MED12L: variants seen among roughly 807,000 people sequenced by gnomAD.
MED12L encodes mediator of RNA polymerase II transcription subunit 12-like protein.
A neutral mutation model predicts 281.3 loss-of-function variants in MED12L; 60 were observed. That is an observed-to-expected ratio of 0.21 (90% CI 0.17 to 0.26). The LOEUF (loss-of-function observed/expected upper bound fraction) is 0.26. Ranked by LOEUF, MED12L falls within the 10% of genes least tolerant of loss-of-function variation. The pLI, the probability that MED12L is intolerant of heterozygous loss-of-function variation, is 1.00. For synonymous variants in MED12L, 974 were observed against 987.2 expected, an observed-to-expected ratio of 0.99 and a Z score of 0.25; for missense variants, 2,146 against 2,680.9, an observed-to-expected ratio of 0.80 and a Z score of 4.41.
chr3:151,179,348 G>A (rs185747083), intron 11 of MED12L, among the ~76,000 whole-genome samples: 302 of 152,144 alleles, frequency 2.0e-3, no homozygotes, highest in Non-Finnish European at 3.3e-3. Context: ...AAAAAAGGGC[G>A]GGGGGTTAAT....
intron 5 of MED12L, among the ~76,000 whole-genome samples, chr3:151,133,336 G>C (rs1356816645): frequency 6.6e-6 from 1 of 152,194 alleles, no homozygotes; most frequent in Non-Finnish European, 1.5e-5. Flanking sequence ...GTTATGCAGA[G>C]AGTTACAGAT....
At chr3:151,304,776 G>A (rs1277655057) in intron 16 of MED12L, among the ~76,000 whole-genome samples, 1 of 152,134 alleles carries the variant, frequency 6.6e-6, no homozygotes, top group East Asian at 1.9e-4. Flanking sequence ...TCCATTATAG[G>A]TTGACTGCGA....
rs145543444 is a variant in MED12L, at chr3:151,336,454, A to G, written c.2251-13605A>G. 8.6e-4 allele frequency: 390 copies of G among 452,062 alleles called. 4 individuals are homozygous for G. The East Asian group carries it at 0.02, about 24-fold the overall frequency. 28.0% of individuals were successfully genotyped at this position (452,062 alleles called of 1,614,324 possible). A position where few individuals can be genotyped will look rare whatever the true frequency, so the allele number is the denominator to read the frequency against. On this transcript the variant is annotated intron_variant, in intron 16 of 44. Coordinates refer to ENST00000687756, the MANE Select transcript of MED12L (RefSeq NM_001393769.1). ...ATAAAAGTGATTATTATTAAAGTTC[A>G]GTGAACTTTATACAACAATACACCC...
chr3:151,143,010 T>G (rs1026593332), intron 5 of MED12L, among the ~76,000 whole-genome samples: 2 of 152,182 alleles, frequency 1.3e-5, no homozygotes, highest in Non-Finnish European at 2.9e-5. Flanking sequence ...ATAGTTGGAA[T>G]GTCTTTGTGA....
rs112751547 is a variant in MED12L, at chr3:151,337,494, A to C, written c.2251-12565A>C. The C allele has an allele frequency of 7.9e-3, 1,977 of 248,804 alleles. 19 individuals carry two copies. Among genetic ancestry groups the C allele is most frequent in the South Asian group, 0.023 (388 of 16,820 alleles). The allele number at this position is 248,804 out of a possible 1,614,324, so 15.4% of individuals were successfully genotyped here. A position where few individuals can be genotyped will look rare whatever the true frequency, so the allele number is the denominator to read the frequency against. ...AAATTGTGAACGATAATGTATTTTA[A>C]AAATTACAGTAAATATTATATGATT... On this transcript the variant is annotated intron_variant, in intron 16 of 44. Coordinates refer to ENST00000687756, the MANE Select transcript of MED12L (RefSeq NM_001393769.1).
intron 16 of MED12L, among the ~76,000 whole-genome samples, chr3:151,238,605 G>A (rs1733412006): frequency 6.6e-6 from 1 of 152,188 alleles, no homozygotes; most frequent in African/African-American, 2.4e-5. Context: ...GCCATGATGT[G>A]TAAAATGTTC....
chr3:151,311,976 A>AGGTTGCAGT (rs1378311625), intron 16 of MED12L, among the ~76,000 whole-genome samples: 3 of 152,224 alleles, frequency 2.0e-5, no homozygotes, highest in Non-Finnish European at 4.4e-5. Flanking sequence ...GAGGTTGCAG[A>AGGTTGCAGT]GGTTGCAGTG....
In MED12L at chr3:151,124,892, C is replaced by T. The variant is rs575726935; in HGVS notation, c.396+1918C>T. 6.0e-4 allele frequency among the ~76,000 whole-genome samples: 91 copies of T among 152,316 alleles called. 1 individual carries two copies. Among genetic ancestry groups the T allele is most frequent in the African/African-American group, 2.1e-3 (87 of 41,574 alleles). ...ACTCTCACCTGTTCCCTTCAGGTGA[C>T]TTTGATTACTGTGGTCTGTGAAATT... On this transcript the variant is annotated intron_variant, in intron 4 of 44. Transcript: ENST00000687756.
At chr3:151,382,247 T>C (rs1194549755) in intron 32 of MED12L, among the ~76,000 whole-genome samples, 3 of 152,184 alleles carry the variant, frequency 2.0e-5, no homozygotes, top group African/African-American at 7.2e-5. Flanking sequence ...AACATCAAAA[T>C]AATACATTTG....
chr3:151,366,051 A>G (rs917312946), intron 23 of MED12L, 60 bp downstream of exon 23: 2 of 1,342,920 alleles, frequency 1.5e-6, no homozygotes, highest in Admixed American at 2.7e-5. Context: ...GTTAGTGGGT[A>G]ATCTTTTTGC....
intron 16 of MED12L, among the ~76,000 whole-genome samples, chr3:151,226,406 A>G (rs1730500493): frequency 6.6e-6 from 1 of 152,200 alleles, no homozygotes; most frequent in Non-Finnish European, 1.5e-5. Context: ...ACAAATGAGG[A>G]CAGTGATGCT....
intron 16 of MED12L, among the ~76,000 whole-genome samples, chr3:151,290,237 TG>T (rs1026829618): frequency 6.6e-6 from 1 of 152,216 alleles, no homozygotes; most frequent in African/African-American, 2.4e-5. Context: ...TTATTAAAAA[TG>T]TTTGCCTAAA....
At chr3:151,417,487 C>CCCTCCT (rs1717736742) in intron 43 of MED12L, among the ~76,000 whole-genome samples, 1 of 78,818 alleles carries the variant, frequency 1.3e-5, no homozygotes, top group Admixed American at 1.7e-4. Flanking sequence ...CCCCCCCCGC[C>CCCTCCT]TTTTTTTTTT....
intron 13 of MED12L, among the ~76,000 whole-genome samples, chr3:151,189,887 TC>T (rs1293269463): frequency 6.6e-6 from 1 of 152,224 alleles, no homozygotes; most frequent in Non-Finnish European, 1.5e-5. Flanking sequence ...TCTGCAGAGC[TC>T]CATCTTTGTG....
At chr3:151,338,724 A>T (rs1258199474) in intron 16 of MED12L, 1 of 1,613,646 alleles carries the variant, frequency 6.2e-7, no homozygotes, top group South Asian at 1.1e-5. Context: ...GCCATTTGTG[A>T]TAAGTCCAAC....
At chr3:151,240,054 T>C (rs1039458932) in intron 16 of MED12L, among the ~76,000 whole-genome samples, 1 of 150,834 alleles carries the variant, frequency 6.6e-6, no homozygotes, top group African/African-American at 2.4e-5. Flanking sequence ...TTTTTTTGTG[T>C]GTGTGTGTAT....
At chr3:151,092,971 A>T (rs536545708) in intron 2 of MED12L, among the ~76,000 whole-genome samples, 1 of 152,300 alleles carries the variant, frequency 6.6e-6, no homozygotes, top group South Asian at 2.1e-4. Flanking sequence ...ATGGCCAGGG[A>T]GGAGGAACTC....
chr3:151,201,108 T>G (rs143293354), intron 16 of MED12L: 57 of 152,312 alleles, frequency 3.7e-4, no homozygotes, highest in African/African-American at 1.1e-3. Context: ...TTCTAAACAA[T>G]TTTTATGTAA....
chr3:151,309,120 C>T (rs1261589047), intron 16 of MED12L, among the ~76,000 whole-genome samples: 3 of 109,416 alleles, frequency 2.7e-5, no homozygotes, highest in Non-Finnish European at 5.3e-5. Flanking sequence ...GAAATACACG[C>T]ACACACACAC....
Sources: allele counts gnomAD v4.1 joint callset (sites outside exome capture counted in the v4.1 genomes callset), GRCh38; gene constraint gnomAD v4.1.1; transcripts MANE v1.5; gene names NCBI Gene and HGNC (gene_info 2026-07-23, HGNC 2026-07-21).